Variants in TPH2 observed in about 807,000 individuals in gnomAD.
TPH2 encodes tryptophan 5-hydroxylase 2.
A neutral mutation model predicts 59.1 loss-of-function variants in TPH2; 27 were observed. The ratio of observed to expected loss-of-function variants is 0.46; its 90% CI spans 0.34 to 0.63. The LOEUF (loss-of-function observed/expected upper bound fraction) is 0.63, where lower values mean the gene tolerates loss of function less well. Ranked by LOEUF, TPH2 falls within the 30% of genes least tolerant of loss-of-function variation. The pLI is 0.01. For missense variants in TPH2, 523 were observed against 588.3 expected (o/e 0.89, Z 1.15); for synonymous variants, 220 against 210.5 (o/e 1.05, Z -0.39).
intron 8 of TPH2, among the ~76,000 whole-genome samples, chr12:72,015,540 C>G (rs1225656777): frequency 1.3e-5 from 2 of 151,832 alleles, no homozygotes; most frequent in Non-Finnish European, 2.9e-5. Context: ...AGGATGGTCT[C>G]GATCTCCTGA....
At chr12:71,941,873 T>C in intron 2 of TPH2, 140 bp downstream of exon 2, 1 of 948,716 alleles carries the variant, frequency 1.1e-6, no homozygotes, top group South Asian at 1.4e-5. Context: ...TCGTGAGGCT[T>C]TAAAAGGGGA....
rs1873732431 is a variant in TPH2 at position 72,031,826 on chromosome 12, C to T, written c.*131C>T. ...AGCATGCAATTCCATATATCTATAC[C>T]ATCTTGTAACTCACTGTGTTAGTAT... On this transcript the variant is annotated 3_prime_UTR_variant, in exon 11 of 11. Transcript: ENST00000333850. The T allele has an allele frequency of 2.0e-6, 2 of 1,003,080 alleles. No homozygotes were observed. Among genetic ancestry groups the T allele is most frequent in the Non-Finnish European group, 1.6e-6 (1 of 640,526 alleles). The allele number at this position is 1,003,080 out of a possible 1,614,324, so 62.1% of individuals were successfully genotyped here.
At chr12:71,980,070 T>C (rs1212572797) in intron 7 of TPH2, among the ~76,000 whole-genome samples, 1 of 152,106 alleles carries the variant, frequency 6.6e-6, no homozygotes, top group African/African-American at 2.4e-5. Context: ...GAGTCCTGGG[T>C]GCTGTTTTTT....
intron 8 of TPH2, among the ~76,000 whole-genome samples, chr12:72,001,824 CTT>C (rs576272406): frequency 6.9e-6 from 1 of 144,694 alleles, no homozygotes; most frequent in Non-Finnish European, 1.5e-5. Context: ...TTAATAGTGG[CTT>C]TTTTTTTTAG....
In TPH2 at chr12:72,004,374, G is replaced by A. The variant is rs1027638856; in HGVS notation, c.1068+9809G>A. Among the ~76,000 whole-genome samples the A allele has an allele frequency of 8.0e-5, 12 of 150,372 alleles. 1 individual carries two copies. The highest frequency in any genetic ancestry group is 4.5e-4 in the South Asian group (2 of 4,444). Reference sequence around the variant, plus strand: ...ATGATGTACATATGACATTATCTATGTCATACCCAGGTCTGGAAATACTTC... The same window carrying A: ...ATGATGTACATATGACATTATCTATATCATACCCAGGTCTGGAAATACTTC... On this transcript the variant is annotated intron_variant, in intron 8 of 10. Transcript: ENST00000333850.
chr12:72,002,523 T>C (rs944752902), intron 8 of TPH2, among the ~76,000 whole-genome samples: 1 of 152,254 alleles, frequency 6.6e-6, no homozygotes, highest in South Asian at 2.1e-4. Context: ...ATTTAGATAC[T>C]GATTGCTATG....
chr12:72,024,997 C>T (rs114062317), intron 9 of TPH2, among the ~76,000 whole-genome samples: 1,665 of 152,222 alleles, frequency 0.011, 26 homozygotes, highest in African/African-American at 0.037. Context: ...ACAGAGAATA[C>T]GTAACACAAG....
At chr12:71,941,779 C>T in intron 2 of TPH2, 46 bp downstream of exon 2, 5 of 1,574,382 alleles carry the variant, frequency 3.2e-6, no homozygotes, top group African/African-American at 1.3e-5. Context: ...GACCGTGTGC[C>T]TGGGTACAAA....
intron 9 of TPH2, among the ~76,000 whole-genome samples, chr12:72,030,810 C>T (rs1163841156): frequency 6.6e-6 from 1 of 152,082 alleles, no homozygotes; most frequent in African/African-American, 2.4e-5. Context: ...TTAGTCAGAG[C>T]CCCAATTACC....
rs181986690 is a variant in TPH2, at chr12:72,011,063, T to C, written c.1069-11336T>C. ...CCATGCACCTGATATGAAAATGATG[T>C]GTACCTGTGTGTGTGTGTCCATGTC... is the stretch of plus-strand genomic sequence containing the variant. On this transcript the variant is annotated intron_variant, in intron 8 of 10. Coordinates refer to ENST00000333850, the MANE Select transcript of TPH2 (RefSeq NM_173353.4). 8.6e-4 allele frequency among the ~76,000 whole-genome samples: 131 copies of C among 152,346 alleles called. 1 individual carries two copies. Among genetic ancestry groups the C allele is most frequent in the South Asian group, 4.8e-3 (23 of 4,828 alleles).
At chr12:71,987,776 C>A (rs149512864) in intron 7 of TPH2, among the ~76,000 whole-genome samples, 2 of 152,064 alleles carry the variant, frequency 1.3e-5, no homozygotes, top group Non-Finnish European at 2.9e-5. Flanking sequence ...CGCTTGAACC[C>A]GGGAGGCGGA....
chr12:71,983,411 A>C (rs1872342303), intron 7 of TPH2, among the ~76,000 whole-genome samples: 1 of 152,222 alleles, frequency 6.6e-6, no homozygotes, highest in Non-Finnish European at 1.5e-5. Context: ...GGCCAAATTC[A>C]AAGTTATTCC....
intron 7 of TPH2, among the ~76,000 whole-genome samples, chr12:71,993,001 T>C (rs1004714385): frequency 3.3e-5 from 5 of 152,248 alleles, no homozygotes; most frequent in African/African-American, 2.4e-5. Context: ...GTTCAGTTCA[T>C]GTACCAAAAA....
At chr12:72,023,499 G>A (rs1429603503) in intron 9 of TPH2, among the ~76,000 whole-genome samples, 1 of 152,074 alleles carries the variant, frequency 6.6e-6, no homozygotes, top group Admixed American at 6.6e-5. Context: ...TACTATGGCA[G>A]TCACTGGGGA....
chr12:71,962,505 T>C, intron 5 of TPH2: 1 of 985,142 alleles, frequency 1.0e-6, no homozygotes, highest in Non-Finnish European at 1.2e-6. Flanking sequence ...GAAACCCTTA[T>C]ATGTAAATTG....
chr12:71,943,219 T>C (rs1419588630), intron 2 of TPH2, among the ~76,000 whole-genome samples: 4 of 152,156 alleles, frequency 2.6e-5, no homozygotes, highest in African/African-American at 9.7e-5. Context: ...ACAAGACCAG[T>C]TTCTTTATAT....
chr12:71,944,471 G>A lies in TPH2; in HGVS notation c.433G>A (p.Glu145Lys). Residue 145 changes from glutamate to lysine, a missense_variant, in exon 3 of 11, where the codon GAA (glutamate) becomes AAA (lysine). Glu to Lys is a moderately conservative substitution (Grantham distance 56, BLOSUM62 1). Transcript: ENST00000333850. Reference sequence around the variant, plus strand: ...TCCTCCAGAGAACATTTGGACAGAGGAAGAAGGCAAGGGTGGTCTTAGCTT... The same window carrying A: ...TCCTCCAGAGAACATTTGGACAGAGAAAGAAGGCAAGGGTGGTCTTAGCTT... ...LNPPENIWTE[E>K]EELEDVPWFP... 6.2e-7 allele frequency: 1 copy of A among 1,613,980 alleles called. No individual in the cohort carries two copies. The highest frequency in any genetic ancestry group is 8.5e-7 in the Non-Finnish European group (1 of 1,179,876).
chr12:72,007,532 A>G, intron 8 of TPH2, among the ~76,000 whole-genome samples: 1 of 152,154 alleles, frequency 6.6e-6, no homozygotes, highest in South Asian at 2.1e-4. Flanking sequence ...GGCTTCATTA[A>G]CATACAAGTA....
intron 9 of TPH2, among the ~76,000 whole-genome samples, chr12:72,023,734 C>A (rs1313646816): frequency 1.3e-5 from 2 of 150,040 alleles, no homozygotes; most frequent in Non-Finnish European, 3.0e-5. Context: ...GAGGCTGAGG[C>A]AAGCACTTGA....
Sources: allele counts gnomAD v4.1 joint callset (sites outside exome capture counted in the v4.1 genomes callset), GRCh38; gene constraint gnomAD v4.1.1; transcripts MANE v1.5; gene names NCBI Gene and HGNC (gene_info 2026-07-23, HGNC 2026-07-21).